TMCC1: variants seen among roughly 807,000 people sequenced by gnomAD.
TMCC1 encodes transmembrane and coiled-coil domains protein 1.
TMCC1 carries 15 observed loss-of-function variants against 52.4 expected under a neutral mutation model. That is an observed-to-expected ratio of 0.29 (90% CI 0.19 to 0.44). The LOEUF is 0.44. Ranked by LOEUF, TMCC1 falls within the 20% of genes least tolerant of loss-of-function variation. The pLI is 1.00. For missense variants in TMCC1, 503 were observed against 806.0 expected, an observed-to-expected ratio of 0.62 and a Z score of 4.55; for synonymous variants, 279 against 301.9, an observed-to-expected ratio of 0.92 and a Z score of 0.79.
At position 129,651,819 on chromosome 3, in the gene TMCC1, T is replaced by G. The variant is rs2086344184; in HGVS notation, c.1648-24A>C. 1 of 1,598,528 alleles carries G rather than the reference T, an allele frequency of 6.3e-7. No individual in the cohort carries two copies. The highest frequency in any genetic ancestry group is 1.1e-5 in the South Asian group (1 of 89,570). On this transcript the variant is annotated intron_variant, in intron 6 of 6. Coordinates refer to ENST00000393238, the MANE Select transcript of TMCC1 (RefSeq NM_001017395.5). This position sits in a 1 kb window ranked among gnomAD's most constrained non-coding sequence, Gnocchi z 5.1. ...TCCTGTGGGCCAGAACAGGGAAGAG[T>G]TAAGCCTTCTGCTCACAAGTATTCT...
chr3:129,830,308 T>G (rs566133487), intron 3 of TMCC1, among the ~76,000 whole-genome samples: 1 of 152,216 alleles, frequency 6.6e-6, no homozygotes, highest in Non-Finnish European at 1.5e-5. Context: ...GGCAAAAATT[T>G]TGCCAATAGT....
intron 4 of TMCC1, among the ~76,000 whole-genome samples, chr3:129,818,487 T>A (rs1489399126): frequency 1.3e-5 from 1 of 79,950 alleles, no homozygotes; most frequent in Non-Finnish European, 2.3e-5. Flanking sequence ...AAGAAACTTT[T>A]AAAGAAAAGT....
chr3:129,875,508 A>C (rs1483421520), intron 2 of TMCC1, among the ~76,000 whole-genome samples: 1 of 150,434 alleles, frequency 6.6e-6, no homozygotes, highest in African/African-American at 2.4e-5. Flanking sequence ...AAAAAAAAAA[A>C]AAAAAAAACA....
intron 4 of TMCC1, among the ~76,000 whole-genome samples, chr3:129,687,627 A>G (rs2089498481): frequency 6.6e-6 from 1 of 152,222 alleles, no homozygotes; most frequent in Non-Finnish European, 1.5e-5. Flanking sequence ...AGAGAACATA[A>G]AAGAGATTCA....
chr3:129,881,103 C>T (rs193021961), intron 1 of TMCC1, among the ~76,000 whole-genome samples: 1 of 151,970 alleles, frequency 6.6e-6, no homozygotes, highest in Non-Finnish European at 1.5e-5. Flanking sequence ...ACCTCATGAT[C>T]CCCCTGCCTC....
intron 4 of TMCC1, among the ~76,000 whole-genome samples, chr3:129,695,648 A>G (rs1248386643): frequency 6.6e-6 from 1 of 152,168 alleles, no homozygotes; most frequent in Non-Finnish European, 1.5e-5. Flanking sequence ...CCCCGTGATT[A>G]AATTACCTCC....
At chr3:129,780,299 TG>T (rs1288665571) in intron 4 of TMCC1, among the ~76,000 whole-genome samples, 4 of 152,134 alleles carry the variant, frequency 2.6e-5, no homozygotes, top group African/African-American at 9.7e-5. Flanking sequence ...TTTCCTTATT[TG>T]TAAAGTGAAC....
intron 1 of TMCC1, among the ~76,000 whole-genome samples, chr3:129,884,222 A>T (rs1225300366): frequency 6.6e-6 from 1 of 152,216 alleles, no homozygotes; most frequent in African/African-American, 2.4e-5. Context: ...AAGAGCACCA[A>T]AAAAAGGTAA....
intron 4 of TMCC1, among the ~76,000 whole-genome samples, chr3:129,761,034 C>T (rs1195767252): frequency 6.6e-6 from 1 of 152,002 alleles, no homozygotes; most frequent in Non-Finnish European, 1.5e-5. Context: ...CCCTAAAAAT[C>T]CCCTGTGCTG....
At chr3:129,772,285 G>A (rs2054652322) in intron 4 of TMCC1, among the ~76,000 whole-genome samples, 1 of 152,184 alleles carries the variant, frequency 6.6e-6, no homozygotes, top group African/African-American at 2.4e-5. Flanking sequence ...AGGCTGAAGT[G>A]AGTCGAGGTC....
chr3:129,792,834 A>G (rs994955381), intron 4 of TMCC1, among the ~76,000 whole-genome samples: 2 of 152,154 alleles, frequency 1.3e-5, no homozygotes, highest in African/African-American at 4.8e-5. Flanking sequence ...TATGTAATGT[A>G]CCTAAAGAGA....
At chr3:129,734,971 C>T (rs879300667) in intron 4 of TMCC1, among the ~76,000 whole-genome samples, 5 of 150,404 alleles carry the variant, frequency 3.3e-5, no homozygotes, top group Admixed American at 1.3e-4. Flanking sequence ...GGCGTGATCT[C>T]GGCTCACTGC....
chr3:129,655,347 A>G (rs996812341), intron 5 of TMCC1, among the ~76,000 whole-genome samples: 4 of 152,218 alleles, frequency 2.6e-5, no homozygotes, highest in Admixed American at 2.6e-4. Flanking sequence ...CAGTATTTGC[A>G]GCGATGCCAG....
intron 5 of TMCC1, among the ~76,000 whole-genome samples, chr3:129,668,022 A>G (rs982891836): frequency 5.9e-5 from 9 of 152,184 alleles, no homozygotes; most frequent in Admixed American, 5.2e-4. Flanking sequence ...CCTTGTCTCT[A>G]CAAAAGAATT....
chr3:129,708,562 TAG>T (rs1218038087), intron 4 of TMCC1, among the ~76,000 whole-genome samples: 1 of 152,216 alleles, frequency 6.6e-6, no homozygotes, highest in African/African-American at 2.4e-5. Context: ...TTCATTTATC[TAG>T]ATTCCAACTC....
chr3:129,671,328 G>A (rs1383501010), intron 4 of TMCC1, 64 bp from the exon 5 acceptor site: 17 of 1,470,950 alleles, frequency 1.2e-5, no homozygotes, highest in Non-Finnish European at 1.5e-5. Flanking sequence ...AAATCAATGG[G>A]CCAAAATGTA....
At position 129,670,337 on chromosome 3, in the gene TMCC1, G is replaced by A. The variant is rs1233409585; in HGVS notation, c.1504C>T (p.Arg502Ter). The A allele has an allele frequency of 1.2e-6, 2 of 1,612,536 alleles. No individual in the cohort carries two copies. The highest frequency in any genetic ancestry group is 2.7e-5 in the African/African-American group (2 of 74,816). ...SLIMQTLQEE[R>*]YRCERLEEQL... is the part of the protein sequence containing the mutation. ...TAATTCCATGTGACTTACCTATATC[G>A]CTCCTCCTGTAAGGTCTGCATTATT... The change falls in exon 5 of 7, where the codon CGA becomes TGA. Residue 502 changes from arginine to a stop codon, truncating the protein, a stop_gained. Transcript: ENST00000393238. LOFTEE classifies it high-confidence loss of function.
Position 129,655,010 on chromosome 3 carries a change from T to C in TMCC1, c.1605A>G (p.Glu535=), listed in dbSNP as rs141126159. 81 of 1,614,208 alleles carry C rather than the reference T, an allele frequency of 5.0e-5. No homozygotes were observed. Among genetic ancestry groups the C allele is most frequent in the Middle Eastern group, 1.6e-4 (1 of 6,062 alleles). The change falls in exon 6 of 7, where the codon GAA becomes GAG. Residue 535 remains glutamate (E), a synonymous_variant. Transcript: ENST00000393238. The part of the protein sequence containing the change: ...NLKQELASME[E]KIAYQSYERA... Reference sequence around the variant, plus strand: ...GTTCATAGGACTGATACGCGATTTTTTCTTCCATGCTTGCCAGTTCCTGCT... The same window carrying C: ...GTTCATAGGACTGATACGCGATTTTCTCTTCCATGCTTGCCAGTTCCTGCT...
At chr3:129,872,909 G>A (rs990973830) in intron 2 of TMCC1, among the ~76,000 whole-genome samples, 3 of 151,146 alleles carry the variant, frequency 2.0e-5, no homozygotes, top group Non-Finnish European at 2.9e-5. Context: ...TTTTGTCTAC[G>A]CATGGAATTT....
Sources: allele counts gnomAD v4.1 joint callset (sites outside exome capture counted in the v4.1 genomes callset), GRCh38; gene constraint gnomAD v4.1.1; non-coding constraint Gnocchi (gnomAD v3.1); transcripts MANE v1.5; gene names NCBI Gene and HGNC (gene_info 2026-07-23, HGNC 2026-07-21).